OR1C1: variants seen among roughly 807,000 people sequenced by gnomAD.
OR1C1 encodes olfactory receptor family 1 subfamily C member 1.
For synonymous variants in OR1C1, 153 were observed against 154.6 expected, an observed-to-expected ratio of 0.99 and a Z score of 0.08; for missense variants, 407 against 384.3, an observed-to-expected ratio of 1.06 and a Z score of -0.49.
chr1:247,758,502 G>GTGTGT (rs1271545592), intron 1 of OR1C1, 83 bp from the exon 2 acceptor site: 3 of 694,390 alleles, frequency 4.3e-6, no homozygotes, highest in Non-Finnish European at 7.4e-6. Flanking sequence ...GTGTGTGTGT[G>GTGTGT]TGTGTGTGTG....
chr1:247,757,520 T>A lies in OR1C1; in HGVS notation c.887A>T (p.Asp296Val), dbSNP rs1274565656. Residue 296 changes from aspartate (D) to valine (V), a missense_variant, in exon 2 of 2, where the codon GAT (aspartate) becomes GTT (valine). Coordinates refer to ENST00000641256, the MANE Select transcript of OR1C1 (RefSeq NM_012353.3). ...CATTTTCTGAAGTCCCCTCTTCATA[T>A]CCCTGTTCCTTAGGGTATAGATGAA... The part of the protein sequence containing the change: ...NPFIYTLRNR[D>V]MKRGLQKMLL... 18 of 1,613,998 alleles carry A rather than the reference T, an allele frequency of 1.1e-5. No individual in the cohort carries two copies. Among genetic ancestry groups the A allele is most frequent in the Non-Finnish European group, 1.4e-5 (17 of 1,179,982 alleles).
At chr1:247,758,621 T>G in intron 1 of OR1C1, 2 of 487,966 alleles carry the variant, frequency 4.1e-6, no homozygotes, top group Non-Finnish European at 7.3e-6. Context: ...ATAGACATGC[T>G]GGACATGTCA....
In OR1C1 at chr1:247,758,183, G is replaced by A. The variant is rs756903353; in HGVS notation, c.224C>T (p.Ser75Leu). Residue 75 changes from serine (S) to leucine (L), a missense_variant, in exon 2 of 2, where the codon TCG (serine) becomes TTG (leucine). Ser to Leu is a moderately radical substitution (Grantham distance 145). Transcript: ENST00000641256. ...CACTACCATTTGGGGGACTGTAGTC[G>A]ACGTAAAGCAGATGTCAACAAAGGC... ...NLAFVDICFT[S>L]TTVPQMVVNI... 8 of 1,613,906 alleles carry A rather than the reference G, an allele frequency of 5.0e-6. No homozygotes were observed. In the African/African-American group the frequency reaches 5.3e-5, roughly 11 times the overall value.
At position 247,757,969 on chromosome 1, in the gene OR1C1, A is replaced by G; in HGVS notation, c.438T>C (p.Ala146=). The change falls in exon 2 of 2, where the codon GCT becomes GCC. Residue 146 remains alanine (A), a synonymous_variant. Coordinates refer to ENST00000641256, the MANE Select transcript of OR1C1 (RefSeq NM_012353.3). The part of the protein sequence containing the change: ...MNLCLCVQLV[A]GLWLVTYLHA... ...GGAGGTAAGTAACAAGCCACAGTCC[A>G]GCCACTAGCTGGACACAAAGGCACA... 6.2e-7 allele frequency: 1 copy of G among 1,614,180 alleles called. No individual in the cohort carries two copies. Among genetic ancestry groups the G allele is most frequent in the Non-Finnish European group, 8.5e-7 (1 of 1,180,020 alleles).
rs1661195703 is a variant in OR1C1, at chr1:247,755,513, C to T, written c.*1949G>A. 6.6e-6 allele frequency: 1 copy of T among 152,100 alleles called. No individual in the cohort carries two copies. Among genetic ancestry groups the T allele is most frequent in the African/African-American group, 2.4e-5 (1 of 41,436 alleles). 9.4% of individuals were successfully genotyped at this position (152,100 alleles called of 1,614,324 possible). A position where few individuals can be genotyped will look rare whatever the true frequency, so the allele number is the denominator to read the frequency against. Reference sequence around the variant, plus strand: ...AAAAAGAGCAAAGTACTTGAATAGACATTTCTCACAAGAAGACATTCAAAT... The same window carrying T: ...AAAAAGAGCAAAGTACTTGAATAGATATTTCTCACAAGAAGACATTCAAAT... On this transcript the variant is annotated 3_prime_UTR_variant, in exon 2 of 2. Coordinates refer to ENST00000641256, the MANE Select transcript of OR1C1 (RefSeq NM_012353.3).
chr1:247,759,152 C>T (rs1661286944), intron 1 of OR1C1, among the ~76,000 whole-genome samples: 1 of 152,176 alleles, frequency 6.6e-6, no homozygotes, highest in Non-Finnish European at 1.5e-5. Flanking sequence ...TTCTTGACGT[C>T]CCTCACTGTA....
rs751654377 is a variant in OR1C1 at position 247,756,350 on chromosome 1, C to A, written c.*1112G>T. ...TTGCTTTTTTGAAGAAACTTTTTTT[C>A]CCTGAATGGATTTAAATTTTCTTAT... On this transcript the variant is annotated 3_prime_UTR_variant, in exon 2 of 2. Coordinates refer to ENST00000641256, the MANE Select transcript of OR1C1 (RefSeq NM_012353.3). The surrounding 1 kb of genome is among the most constrained non-coding windows in gnomAD (Gnocchi z 4.3). 6.6e-6 allele frequency: 1 copy of A among 151,912 alleles called. No individual in the cohort carries two copies. Among genetic ancestry groups the A allele is most frequent in the Non-Finnish European group, 1.5e-5 (1 of 67,994 alleles). 9.4% of individuals were successfully genotyped at this position (151,912 alleles called of 1,614,324 possible).
chr1:247,757,392 G>A lies in OR1C1; in HGVS notation c.*70C>T. On this transcript the variant is annotated 3_prime_UTR_variant, in exon 2 of 2. Coordinates refer to ENST00000641256, the MANE Select transcript of OR1C1 (RefSeq NM_012353.3). ...ATAGCAGTTGGTTTCTCTTCTCACTGTTATTGTGAGCATCTAGTCACACTT... is the reference window on the plus strand; with the variant it reads ...ATAGCAGTTGGTTTCTCTTCTCACTATTATTGTGAGCATCTAGTCACACTT... 1 of 1,218,774 alleles carries A rather than the reference G, an allele frequency of 8.2e-7. No homozygotes were observed. Among genetic ancestry groups the A allele is most frequent in the Non-Finnish European group, 1.2e-6 (1 of 853,298 alleles). The allele number at this position is 1,218,774 out of a possible 1,614,324, so 75.5% of individuals were successfully genotyped here. A position where few individuals can be genotyped will look rare whatever the true frequency, so the allele number is the denominator to read the frequency against.
Position 247,757,362 on chromosome 1 carries a change from AT to A in OR1C1, c.*99del. On this transcript the variant is annotated 3_prime_UTR_variant, in exon 2 of 2. Transcript: ENST00000641256. Reference sequence around the variant, plus strand: ...ACACGATTTCCAGCATAAGGGAGACATTTAATAGCAGTTGGTTTCTCTTCTC... The same window carrying A: ...ACACGATTTCCAGCATAAGGGAGACATTAATAGCAGTTGGTTTCTCTTCTC... 1 of 852,336 alleles carries A rather than the reference AT, an allele frequency of 1.2e-6. No individual in the cohort carries two copies. The highest frequency in any genetic ancestry group is 1.9e-6 in the Non-Finnish European group (1 of 537,258). The allele number at this position is 852,336 out of a possible 1,614,324, so 52.8% of individuals were successfully genotyped here.
intron 1 of OR1C1, 95 bp from the exon 2 acceptor site, chr1:247,758,514 G>GTA: frequency 1.5e-6 from 1 of 672,612 alleles, no homozygotes; most frequent in Non-Finnish European, 2.6e-6. Context: ...GTGTGTGTGT[G>GTA]TGTGCATGCG....
rs1367422098 is a variant in OR1C1 at position 247,754,978 on chromosome 1, G to A, written c.*2484C>T. The stretch of plus-strand genomic sequence containing the variant: ...CAGTAATCAAAAATGGCATGGTACT[G>A]GCATAAAAATAGACACATAGAAATA... On this transcript the variant is annotated 3_prime_UTR_variant, in exon 2 of 2. Coordinates refer to ENST00000641256, the MANE Select transcript of OR1C1 (RefSeq NM_012353.3). 6.6e-6 allele frequency: 1 copy of A among 152,078 alleles called. No individual in the cohort carries two copies. The highest frequency in any genetic ancestry group is 6.6e-5 in the Admixed American group (1 of 15,262). 9.4% of individuals were successfully genotyped at this position (152,078 alleles called of 1,614,324 possible).
Position 247,755,637 on chromosome 1 carries a change from T to C in OR1C1, c.*1825A>G, listed in dbSNP as rs1280356489. 6.6e-6 allele frequency: 1 copy of C among 152,024 alleles called. No homozygotes were observed. Among genetic ancestry groups the C allele is most frequent in the Admixed American group, 6.6e-5 (1 of 15,266 alleles). The allele number at this position is 152,024 out of a possible 1,614,324, so 9.4% of individuals were successfully genotyped here. On this transcript the variant is annotated 3_prime_UTR_variant, in exon 2 of 2. Transcript: ENST00000641256. Reference sequence around the variant, plus strand: ...CACCTCACACTTGTCTGAGTGGCTATGAAAAAAGTCAAAAGATAAAAAAGT... The same window carrying C: ...CACCTCACACTTGTCTGAGTGGCTACGAAAAAAGTCAAAAGATAAAAAAGT...
chr1:247,760,003 C>A (rs76648491), intron 1 of OR1C1, among the ~76,000 whole-genome samples: 8,226 of 152,218 alleles, frequency 0.054, 329 homozygotes, highest in East Asian at 0.22. Flanking sequence ...ACAAGCATAA[C>A]AATTCCCCTT....
rs539726687 is a variant in OR1C1, at chr1:247,757,841, C to T, written c.566G>A (p.Cys189Tyr). 6.2e-6 allele frequency: 10 copies of T among 1,613,928 alleles called. No homozygotes were observed. The highest frequency in any genetic ancestry group is 2.2e-5 in the East Asian group (1 of 44,864). Residue 189 changes from cysteine to tyrosine, a missense_variant, in exon 2 of 2, where the codon TGC (cysteine) becomes TAC (tyrosine). Transcript: ENST00000641256. The stretch of plus-strand genomic sequence containing the variant: ...CATTACATTGAAGGAGACGTCAGAG[C>T]AAGAGAGCTGCAGGAGAGGATTGAG... ...CDLNPLLQLS[C>Y]SDVSFNVMII...
rs570050022 is a variant in OR1C1, at chr1:247,754,950, A to T, written c.*2512T>A. 4 of 152,292 alleles carry T rather than the reference A, an allele frequency of 2.6e-5. No individual in the cohort carries two copies. The highest frequency in any genetic ancestry group is 7.2e-5 in the African/African-American group (3 of 41,574). 9.4% of individuals were successfully genotyped at this position (152,292 alleles called of 1,614,324 possible). A position where few individuals can be genotyped will look rare whatever the true frequency, so the allele number is the denominator to read the frequency against. On this transcript the variant is annotated 3_prime_UTR_variant, in exon 2 of 2. Transcript: ENST00000641256. ...TTAAATTTTAAAATGCAATAAAAAG[A>T]TACAGTAATCAAAAATGGCATGGTA...
rs1661313665 is a variant in OR1C1 at position 247,760,515 on chromosome 1, T to G, written c.-117A>C. On this transcript the variant is annotated 5_prime_UTR_variant, in exon 1 of 2. Coordinates refer to ENST00000641256, the MANE Select transcript of OR1C1 (RefSeq NM_012353.3). ...ATTGATTCAGATTTCTAGTCAAGAGTGAAAAAGAGAAGAATGAGATATAGA... is the reference window on the plus strand; with the variant it reads ...ATTGATTCAGATTTCTAGTCAAGAGGGAAAAAGAGAAGAATGAGATATAGA... 6.6e-6 allele frequency: 1 copy of G among 150,654 alleles called. No homozygotes were observed. Among genetic ancestry groups the G allele is most frequent in the African/African-American group, 2.4e-5 (1 of 41,262 alleles). 9.3% of individuals were successfully genotyped at this position (150,654 alleles called of 1,614,324 possible). A position where few individuals can be genotyped will look rare whatever the true frequency, so the allele number is the denominator to read the frequency against.
In OR1C1 at chr1:247,757,641, T is replaced by C; in HGVS notation, c.766A>G (p.Ile256Val). The C allele has an allele frequency of 2.5e-6, 4 of 1,614,096 alleles. No individual in the cohort carries two copies. Among genetic ancestry groups the C allele is most frequent in the Non-Finnish European group, 3.4e-6 (4 of 1,180,002 alleles). The change falls in exon 2 of 2, where the codon ATC (isoleucine) becomes GTC (valine). Residue 256 changes from isoleucine to valine, a missense_variant. Transcript: ENST00000641256. ...SVVVLFYGTAIAVYFSPSSPH... is the reference protein window; with the variant it reads ...SVVVLFYGTAVAVYFSPSSPH... ...GATGAAGGGCTGAAATAGACGGCGA[T>C]GGCTGTGCCGTAAAACAACACCACC...
rs1275483766 is a variant in OR1C1 at position 247,756,362 on chromosome 1, T to A, written c.*1100A>T. On this transcript the variant is annotated 3_prime_UTR_variant, in exon 2 of 2. Coordinates refer to ENST00000641256, the MANE Select transcript of OR1C1 (RefSeq NM_012353.3). The surrounding 1 kb of genome is among the most constrained non-coding windows in gnomAD (Gnocchi z 4.3). ...AGAAACTTTTTTTCCCTGAATGGAT[T>A]TAAATTTTCTTATGTATGTATGTAT... 6.6e-6 allele frequency: 1 copy of A among 152,184 alleles called. No homozygotes were observed. Among genetic ancestry groups the A allele is most frequent in the Non-Finnish European group, 1.5e-5 (1 of 68,036 alleles). 9.4% of individuals were successfully genotyped at this position (152,184 alleles called of 1,614,324 possible).
In OR1C1 at chr1:247,755,991, G is replaced by T. The variant is rs962336345; in HGVS notation, c.*1471C>A. The T allele has an allele frequency of 1.3e-5, 2 of 152,196 alleles. No homozygotes were observed. The highest frequency in any genetic ancestry group is 1.3e-4 in the Admixed American group (2 of 15,282). 9.4% of individuals were successfully genotyped at this position (152,196 alleles called of 1,614,324 possible). A position where few individuals can be genotyped will look rare whatever the true frequency, so the allele number is the denominator to read the frequency against. On this transcript the variant is annotated 3_prime_UTR_variant, in exon 2 of 2. Transcript: ENST00000641256. ...CAGTTTTCTACACCTACACTCTAGT[G>T]AAGGATTGAATTCACTTTTGTGACA...
Sources: allele counts gnomAD v4.1 joint callset (sites outside exome capture counted in the v4.1 genomes callset), GRCh38; gene constraint gnomAD v4.1.1; non-coding constraint Gnocchi (gnomAD v3.1); transcripts MANE v1.5; gene names NCBI Gene and HGNC (gene_info 2026-07-23, HGNC 2026-07-21).